SCHIP1: variants seen among roughly 807,000 people sequenced by gnomAD.
SCHIP1 encodes the protein schwannomin-interacting protein 1.
Under a neutral mutation model 29.7 loss-of-function variants are expected in SCHIP1, and 8 were observed. The observed-to-expected ratio is 0.27, with a 90% CI of 0.16 to 0.49. The LOEUF is 0.49. Ranked by LOEUF, SCHIP1 falls within the 20% of genes least tolerant of loss-of-function variation. The pLI, the probability that SCHIP1 is intolerant of heterozygous loss-of-function variation, is 0.99. For missense variants in SCHIP1, 193 were observed against 294.6 expected (o/e 0.66, Z 2.52); for synonymous variants, 76 against 94.9 (o/e 0.80, Z 1.16).
chr3:159,373,328 TTTAC>T, the SCHIP1 span, among the ~76,000 whole-genome samples: 1 of 151,630 alleles, frequency 6.6e-6, no homozygotes, highest in South Asian at 2.1e-4. Context: ...ATAGTATGTA[TTTAC>T]GGGATAAAAA....
At chr3:159,586,282 G>C in the SCHIP1 span, among the ~76,000 whole-genome samples, 1 of 152,164 alleles carries the variant, frequency 6.6e-6, no homozygotes, top group Non-Finnish European at 1.5e-5. Context: ...GGGGAGCAAA[G>C]GTTGCTGGGC....
the SCHIP1 span, among the ~76,000 whole-genome samples, chr3:159,556,451 A>G: frequency 1.3e-5 from 2 of 152,104 alleles, no homozygotes; most frequent in Non-Finnish European, 1.5e-5. Context: ...TCATGCTGCT[A>G]TAAAGACACA....
the SCHIP1 span, among the ~76,000 whole-genome samples, chr3:159,809,149 C>G: frequency 4.5e-4 from 68 of 151,350 alleles, no homozygotes; most frequent in African/African-American, 1.4e-3. Context: ...CCCAACCCCC[C>G]GCAACAGGCC....
chr3:159,550,413 A>C, the SCHIP1 span, among the ~76,000 whole-genome samples: 3 of 152,056 alleles, frequency 2.0e-5, no homozygotes, highest in African/African-American at 4.8e-5. Flanking sequence ...TATTAGATTT[A>C]ATTGTTCTAT....
the SCHIP1 span, among the ~76,000 whole-genome samples, chr3:159,456,885 T>A: frequency 2.0e-5 from 3 of 152,200 alleles, no homozygotes; most frequent in Non-Finnish European, 4.4e-5. Flanking sequence ...TCATGATTTT[T>A]AATAAAGGAT....
At chr3:159,584,408 T>C in the SCHIP1 span, among the ~76,000 whole-genome samples, 35 of 152,324 alleles carry the variant, frequency 2.3e-4, no homozygotes, top group Non-Finnish European at 2.4e-4. Context: ...AAGCTCAAAT[T>C]TGTGTTTGTA....
At chr3:159,559,609 A>G in the SCHIP1 span, among the ~76,000 whole-genome samples, 6 of 152,304 alleles carry the variant, frequency 3.9e-5, no homozygotes, top group Admixed American at 2.0e-4. Context: ...AGTTTCTTTC[A>G]TCTGCTGAGT....
At chr3:159,442,012 T>A in the SCHIP1 span, among the ~76,000 whole-genome samples, 641 of 152,218 alleles carry the variant, frequency 4.2e-3, 4 homozygotes, top group Non-Finnish European at 6.6e-3. Flanking sequence ...AGAAAAATAA[T>A]CTTTGTAAGA....
the SCHIP1 span, among the ~76,000 whole-genome samples, chr3:159,701,805 A>G: frequency 6.6e-6 from 1 of 151,966 alleles, no homozygotes; most frequent in Non-Finnish European, 1.5e-5. Flanking sequence ...CAAATAGTTT[A>G]CATGAGAAAA....
chr3:159,486,685 G>C, the SCHIP1 span, among the ~76,000 whole-genome samples: 1 of 152,202 alleles, frequency 6.6e-6, no homozygotes, highest in Non-Finnish European at 1.5e-5. Flanking sequence ...AATATATGGG[G>C]ATTTATTTAT....
At chr3:159,848,597 G>T (rs1490536505) in intron 1 of SCHIP1, among the ~76,000 whole-genome samples, 1 of 151,954 alleles carries the variant, frequency 6.6e-6, no homozygotes, top group African/African-American at 2.4e-5. Context: ...GGCTGATAAT[G>T]ATTTTTTTTT....
the SCHIP1 span, among the ~76,000 whole-genome samples, chr3:159,275,458 C>T: frequency 1.9e-4 from 29 of 152,192 alleles, no homozygotes; most frequent in African/African-American, 4.6e-4. Context: ...TGTCATAAAA[C>T]GCATCTGCTT....
the SCHIP1 span, among the ~76,000 whole-genome samples, chr3:159,706,950 T>C: frequency 6.6e-6 from 1 of 152,196 alleles, no homozygotes; most frequent in East Asian, 1.9e-4. Context: ...AGACACTCGT[T>C]ATGTGTCCAG....
the SCHIP1 span, among the ~76,000 whole-genome samples, chr3:159,378,059 G>A: frequency 6.6e-6 from 1 of 152,164 alleles, no homozygotes; most frequent in Non-Finnish European, 1.5e-5. Flanking sequence ...TGGAAAACAG[G>A]ATATATTCGT....
the SCHIP1 span, chr3:159,274,270 T>C: frequency 6.1e-6 from 6 of 985,356 alleles, no homozygotes; most frequent in African/African-American, 8.7e-5. Context: ...AGTTCCTGAT[T>C]TGTACAGTTT....
the SCHIP1 span, among the ~76,000 whole-genome samples, chr3:159,773,505 A>C: frequency 6.6e-5 from 10 of 150,576 alleles, no homozygotes; most frequent in African/African-American, 2.5e-4. Flanking sequence ...GCTTCAACAG[A>C]TGCCACCTTT....
chr3:159,514,425 G>A, the SCHIP1 span, among the ~76,000 whole-genome samples: 4 of 152,142 alleles, frequency 2.6e-5, no homozygotes, highest in African/African-American at 7.2e-5. Flanking sequence ...ACAAGCTTCA[G>A]TTCCATGCAT....
At chr3:159,717,954 T>C in the SCHIP1 span, among the ~76,000 whole-genome samples, 5 of 152,162 alleles carry the variant, frequency 3.3e-5, no homozygotes, top group South Asian at 2.1e-4. Flanking sequence ...CCAATATCCC[T>C]GATGAACACT....
At chr3:159,715,031 C>G in the SCHIP1 span, among the ~76,000 whole-genome samples, 1 of 152,162 alleles carries the variant, frequency 6.6e-6, no homozygotes, top group Admixed American at 6.5e-5. Context: ...GCTGGGTGCC[C>G]CTCTGAGAGG....
Sources: allele counts gnomAD v4.1 joint callset (sites outside exome capture counted in the v4.1 genomes callset), GRCh38; gene constraint gnomAD v4.1.1; transcripts MANE v1.5; gene names NCBI Gene and HGNC (gene_info 2026-07-23, HGNC 2026-07-21).